VWA8: variants seen among roughly 807,000 people sequenced by gnomAD.
The protein encoded by VWA8 is von Willebrand factor A domain-containing protein 8.
A neutral mutation model predicts 241.5 loss-of-function variants in VWA8; 221 were observed. The observed-to-expected ratio is 0.91, with a 90% CI of 0.82 to 1.02. The LOEUF (loss-of-function observed/expected upper bound fraction) is 1.02, where lower values mean the gene tolerates loss of function less well. VWA8 is among the 50% of genes least tolerant of loss of function. The pLI is 0.00. For synonymous variants in VWA8, 852 were observed against 827.1 expected (o/e 1.03, Z -0.52); for missense variants, 2,322 against 2,328.7 (o/e 1.00, Z 0.06).
At chr13:41,778,878 A>G (rs986963938) in intron 19 of VWA8, among the ~76,000 whole-genome samples, 2 of 110,522 alleles carry the variant, frequency 1.8e-5, no homozygotes, top group Middle Eastern at 0.013. Context: ...GTCTTACTCT[A>G]TCGCCCAGGC....
chr13:41,607,787 C>G (rs2044562287), intron 39 of VWA8, among the ~76,000 whole-genome samples: 1 of 152,046 alleles, frequency 6.6e-6, no homozygotes, highest in South Asian at 2.1e-4. Context: ...TTTAAATAAT[C>G]CTGAGTTGTA....
chr13:41,591,851 C>A (rs2044457079), intron 40 of VWA8, among the ~76,000 whole-genome samples: 1 of 146,044 alleles, frequency 6.8e-6, no homozygotes. Flanking sequence ...AATAGGAACA[C>A]TTTTACACTG....
intron 37 of VWA8, among the ~76,000 whole-genome samples, chr13:41,663,582 C>T (rs12017856): frequency 0.076 from 11,572 of 151,936 alleles, 896 homozygotes; most frequent in African/African-American, 0.2. Flanking sequence ...CTTATGTCTC[C>T]TTATTTTTCA....
intron 37 of VWA8, among the ~76,000 whole-genome samples, chr13:41,616,904 A>C (rs1347896690): frequency 2.0e-5 from 3 of 152,206 alleles, no homozygotes; most frequent in African/African-American, 7.2e-5. Context: ...GATGTACTCC[A>C]TGAGAAATGA....
chr13:41,729,235 C>T (rs2045461564), intron 23 of VWA8, among the ~76,000 whole-genome samples: 2 of 151,308 alleles, frequency 1.3e-5, no homozygotes, highest in African/African-American at 4.9e-5. Context: ...AAAAAAAAAT[C>T]ATACACAAAT....
At chr13:41,754,915 G>C (rs1181304312) in intron 21 of VWA8, among the ~76,000 whole-genome samples, 1 of 152,036 alleles carries the variant, frequency 6.6e-6, no homozygotes, top group Non-Finnish European at 1.5e-5. Flanking sequence ...TTGCACCCAT[G>C]TTTTTGCAAA....
rs746924515 is a variant in VWA8 at position 41,732,132 on chromosome 13, G to T, written c.2450C>A (p.Thr817Lys). ...TCCGTCTTTAACCGAAGGCTGAAGC[G>T]TAAGAGTTTGTACTGTGGTATCCCT... ...LHRDTTVQTL[T>K]LQPSVKDGLI... Residue 817 changes from threonine (T) to lysine (K), a missense_variant, in exon 22 of 45, where the codon ACG becomes AAG. Transcript: ENST00000379310. 6.2e-7 allele frequency: 1 copy of T among 1,612,742 alleles called. No homozygotes were observed. Among genetic ancestry groups the T allele is most frequent in the African/African-American group, 1.3e-5 (1 of 74,864 alleles).
Position 41,689,527 on chromosome 13 carries a change from A to G in VWA8, c.3977-19T>C, listed in dbSNP as rs770722881. ...TCTGTTTCTGAAAAGTACAAACATT[A>G]GACACCATATGCTCCTGAAATGCTC... On this transcript the variant is annotated intron_variant, in intron 33 of 44. Transcript: ENST00000379310. The G allele has an allele frequency of 1.2e-4, 197 of 1,587,964 alleles. No individual in the cohort carries two copies. Among genetic ancestry groups the G allele is most frequent in the Non-Finnish European group, 1.5e-4 (176 of 1,168,060 alleles).
chr13:41,750,316 C>T (rs544885546), intron 21 of VWA8, among the ~76,000 whole-genome samples: 2 of 152,078 alleles, frequency 1.3e-5, no homozygotes, highest in South Asian at 4.2e-4. Flanking sequence ...GCCTGTAGTT[C>T]CAGCTACTCG....
At chr13:41,766,018 C>T (rs2045776670) in intron 20 of VWA8, among the ~76,000 whole-genome samples, 1 of 152,016 alleles carries the variant, frequency 6.6e-6, no homozygotes, top group South Asian at 2.1e-4. Context: ...GTAGGGCGGC[C>T]CTTTCACTAC....
chr13:41,718,651 T>C (rs1206742522), intron 26 of VWA8, among the ~76,000 whole-genome samples: 1 of 151,812 alleles, frequency 6.6e-6, no homozygotes, highest in East Asian at 1.9e-4. Flanking sequence ...GTTTTTATAA[T>C]GACTTCAAAG....
At chr13:41,784,691 C>CATAT (rs1869062520) in intron 18 of VWA8, among the ~76,000 whole-genome samples, 3 of 45,444 alleles carry the variant, frequency 6.6e-5, no homozygotes, top group African/African-American at 2.6e-4. Flanking sequence ...TATACATATA[C>CATAT]ATATACATAT....
chr13:41,585,102 A>G lies in VWA8; in HGVS notation c.5271+2410T>C, dbSNP rs540549257. ...GTCAATAAAAAAAAAAAAATGAAAC[A>G]TCTTGTGAAATGCTCATTTCCTTGA... is the stretch of plus-strand genomic sequence containing the variant. On this transcript the variant is annotated intron_variant, in intron 42 of 44. Transcript: ENST00000379310. 2.6e-5 allele frequency among the ~76,000 whole-genome samples: 4 copies of G among 152,186 alleles called. No homozygotes were observed. In the East Asian group the frequency reaches 7.7e-4, roughly 29 times the overall value.
intron 4 of VWA8, among the ~76,000 whole-genome samples, chr13:41,895,106 T>C (rs907607861): frequency 2.0e-5 from 3 of 151,968 alleles, no homozygotes; most frequent in African/African-American, 4.8e-5. Flanking sequence ...CTAAAAGAGT[T>C]GCTACTAGAT....
intron 26 of VWA8, among the ~76,000 whole-genome samples, chr13:41,713,127 T>C (rs145116745): frequency 6.6e-6 from 1 of 152,352 alleles, no homozygotes; most frequent in East Asian, 1.9e-4. Context: ...TGCTGTGTGG[T>C]ATAAGCTTTG....
At chr13:41,698,114 C>T (rs2045227007) in intron 29 of VWA8, among the ~76,000 whole-genome samples, 1 of 151,980 alleles carries the variant, frequency 6.6e-6, no homozygotes, top group Non-Finnish European at 1.5e-5. Flanking sequence ...CCTCTTGTTT[C>T]TCACCTTCTA....
chr13:41,641,890 T>C (rs1364678645), intron 37 of VWA8, among the ~76,000 whole-genome samples: 1 of 152,176 alleles, frequency 6.6e-6, no homozygotes, highest in African/African-American at 2.4e-5. Context: ...CATTTATATT[T>C]CTAAAACACC....
At chr13:41,799,242 T>A (rs1048303152) in intron 17 of VWA8, among the ~76,000 whole-genome samples, 1 of 152,216 alleles carries the variant, frequency 6.6e-6, no homozygotes, top group Non-Finnish European at 1.5e-5. Context: ...ATAGGATATT[T>A]AGTGTACTGA....
intron 37 of VWA8, among the ~76,000 whole-genome samples, chr13:41,624,795 C>A (rs772258061): frequency 6.6e-6 from 1 of 152,142 alleles, no homozygotes; most frequent in Non-Finnish European, 1.5e-5. Context: ...TACTCCCATT[C>A]CACGCGGCAC....
Sources: allele counts gnomAD v4.1 joint callset (sites outside exome capture counted in the v4.1 genomes callset), GRCh38; gene constraint gnomAD v4.1.1; transcripts MANE v1.5; gene names NCBI Gene and HGNC (gene_info 2026-07-23, HGNC 2026-07-21).